Variants in ASAP1 observed in about 807,000 individuals in gnomAD.
ASAP1 encodes ArfGAP with SH3 domain, ankyrin repeat and PH domain 1, also known as arf-GAP with SH3 domain, ANK repeat and PH domain-containing protein 1.
Under a neutral mutation model 145.2 loss-of-function variants are expected in ASAP1, and 43 were observed. The observed-to-expected ratio is 0.30, with a 90% CI of 0.23 to 0.38. ASAP1 has a LOEUF of 0.38. Among genes scored for constraint, ASAP1 ranks in the 10% least tolerant of loss-of-function variants. The pLI is 1.00. For synonymous variants in ASAP1, 546 were observed against 515.5 expected (o/e 1.06, Z -0.80); for missense variants, 1,018 against 1,355.3 (o/e 0.75, Z 3.91).
chr8:130,313,701 C>T (rs982351026), intron 3 of ASAP1, among the ~76,000 whole-genome samples: 10 of 152,220 alleles, frequency 6.6e-5, no homozygotes, highest in Non-Finnish European at 1.5e-4. Flanking sequence ...CTAAAACCAT[C>T]AGCCCCAGGA....
At chr8:130,061,455 T>G (rs943402299) in intron 27 of ASAP1, among the ~76,000 whole-genome samples, 4 of 152,236 alleles carry the variant, frequency 2.6e-5, no homozygotes, top group Non-Finnish European at 5.9e-5. Flanking sequence ...GATATAACTT[T>G]TACTTGCTTT....
At chr8:130,166,869 A>C (rs1204642847) in intron 11 of ASAP1, among the ~76,000 whole-genome samples, 1 of 152,242 alleles carries the variant, frequency 6.6e-6, no homozygotes, top group Non-Finnish European at 1.5e-5. Flanking sequence ...ATTCTGCATC[A>C]AAATATTTCC....
At chr8:130,318,857 C>T (rs1254969316) in intron 3 of ASAP1, among the ~76,000 whole-genome samples, 1 of 152,124 alleles carries the variant, frequency 6.6e-6, no homozygotes, top group East Asian at 1.9e-4. Flanking sequence ...AAAAAAAGAT[C>T]AGCAGGACAA....
Position 130,214,772 on chromosome 8 carries a change from C to T in ASAP1, c.260-71G>A, listed in dbSNP as rs907354477. 16 of 1,276,304 alleles carry T rather than the reference C, an allele frequency of 1.3e-5. No homozygotes were observed. The African/African-American group carries it at 2.0e-4, about 16-fold the overall frequency. The allele number at this position is 1,276,304 out of a possible 1,614,324, so 79.1% of individuals were successfully genotyped here. ...CACAATGAAAAGTTACTTTGAACAC[C>T]GATCACTACGAATTCTCAAAATGGA... On this transcript the variant is annotated intron_variant, in intron 4 of 29. Transcript: ENST00000518721.
intron 3 of ASAP1, among the ~76,000 whole-genome samples, chr8:130,254,525 T>TA (rs893375298): frequency 6.6e-5 from 10 of 152,134 alleles, no homozygotes; most frequent in Non-Finnish European, 1.2e-4. Flanking sequence ...AAAGTACTGA[T>TA]AAAAAAGTTT....
At position 130,358,662 on chromosome 8, in the gene ASAP1, A is replaced by G. The variant is rs1177825753; in HGVS notation, c.60-519T>C. Among the ~76,000 whole-genome samples, 2 of 146,246 alleles carry G rather than the reference A, an allele frequency of 1.4e-5. No individual in the cohort carries two copies. The highest frequency in any genetic ancestry group is 6.8e-5 in the Admixed American group (1 of 14,786). On this transcript the variant is annotated intron_variant, in intron 2 of 29. Coordinates refer to ENST00000518721, the MANE Select transcript of ASAP1 (RefSeq NM_018482.4). The surrounding 1 kb of genome is among the most constrained non-coding windows in gnomAD (Gnocchi z 4.1). Reference sequence around the variant, plus strand: ...CGCGCTGCAGTCACGGGGCCAAACAAGGAAGTGCTCTGCGCACGCGCGCCG... The same window carrying G: ...CGCGCTGCAGTCACGGGGCCAAACAGGGAAGTGCTCTGCGCACGCGCGCCG...
At chr8:130,374,216 C>T (rs1325565853) in intron 2 of ASAP1, among the ~76,000 whole-genome samples, 2 of 152,172 alleles carry the variant, frequency 1.3e-5, no homozygotes, top group Non-Finnish European at 2.9e-5. Context: ...ACTTCAGAGG[C>T]TGTTATAAAC....
chr8:130,401,476 C>T (rs1399393878), intron 2 of ASAP1, among the ~76,000 whole-genome samples: 2 of 152,096 alleles, frequency 1.3e-5, no homozygotes, highest in Non-Finnish European at 2.9e-5. Context: ...AGCTCCTGAC[C>T]TCAAATGATC....
At chr8:130,200,951 G>C (rs1815830650) in intron 5 of ASAP1, among the ~76,000 whole-genome samples, 1 of 152,198 alleles carries the variant, frequency 6.6e-6, no homozygotes, top group Non-Finnish European at 1.5e-5. Flanking sequence ...GGAAATTCTG[G>C]ATCTCTGTCC....
chr8:130,236,848 T>C (rs910858631), intron 4 of ASAP1, 74 bp downstream of exon 4: 2 of 1,121,916 alleles, frequency 1.8e-6, no homozygotes, highest in African/African-American at 1.6e-5. Context: ...AAACTTAACA[T>C]CTTTTAAATA....
intron 11 of ASAP1, among the ~76,000 whole-genome samples, chr8:130,162,386 T>TGA (rs1171398723): frequency 1.3e-5 from 2 of 152,166 alleles, no homozygotes; most frequent in African/African-American, 4.8e-5. Flanking sequence ...TGCAGGGAAC[T>TGA]GAGGCATGAG....
chr8:130,386,924 C>A (rs1425138383), intron 2 of ASAP1: 1 of 152,200 alleles, frequency 6.6e-6, no homozygotes, highest in Admixed American at 6.5e-5. Context: ...CTCAAGAAAA[C>A]CTTTGTAGCT....
chr8:130,256,481 T>C (rs532782458), intron 3 of ASAP1, among the ~76,000 whole-genome samples: 1 of 151,936 alleles, frequency 6.6e-6, no homozygotes, highest in South Asian at 2.1e-4. Context: ...AGTTGAGAAA[T>C]ACAGAGATAA....
At position 130,359,512 on chromosome 8, in the gene ASAP1, G is replaced by A. The variant is rs149410024; in HGVS notation, c.60-1369C>T. Reference sequence around the variant, plus strand: ...TTGGTACCTGTAATTCAAGCCAGGAGAGCCTTTGATAGCCTTAGGATGGAA... The same window carrying A: ...TTGGTACCTGTAATTCAAGCCAGGAAAGCCTTTGATAGCCTTAGGATGGAA... On this transcript the variant is annotated intron_variant, in intron 2 of 29. Transcript: ENST00000518721. Among the ~76,000 whole-genome samples, 554 of 152,260 alleles carry A rather than the reference G, an allele frequency of 3.6e-3. 1 individual carries two copies. The highest frequency in any genetic ancestry group is 0.013 in the African/African-American group (521 of 41,564).
intron 4 of ASAP1, among the ~76,000 whole-genome samples, chr8:130,230,439 C>G (rs1446357291): frequency 6.6e-6 from 1 of 152,130 alleles, no homozygotes; most frequent in Non-Finnish European, 1.5e-5. Context: ...TCTTTTGAAT[C>G]CCTCTAGTTT....
At chr8:130,313,620 C>G (rs189439386) in intron 3 of ASAP1, among the ~76,000 whole-genome samples, 1 of 152,282 alleles carries the variant, frequency 6.6e-6, no homozygotes, top group Admixed American at 6.5e-5. Context: ...AACACATAAT[C>G]AACGTCCTCA....
chr8:130,398,184 A>G (rs1565281866), intron 2 of ASAP1, among the ~76,000 whole-genome samples: 1 of 152,214 alleles, frequency 6.6e-6, no homozygotes, highest in Non-Finnish European at 1.5e-5. Context: ...TGTGTCATGC[A>G]AGGAACTTTT....
At chr8:130,391,986 G>C (rs1355914250) in intron 2 of ASAP1, among the ~76,000 whole-genome samples, 1 of 152,192 alleles carries the variant, frequency 6.6e-6, no homozygotes. Context: ...GCAAAGTTGT[G>C]CAGGGGGAGC....
intron 3 of ASAP1, among the ~76,000 whole-genome samples, chr8:130,238,735 T>C (rs1035145830): frequency 2.6e-5 from 4 of 152,142 alleles, no homozygotes; most frequent in African/African-American, 9.7e-5. Context: ...TAAATATTTA[T>C]AGAAAGGCAA....
Sources: gnomAD v4.1 joint callset for allele counts (sites outside exome capture counted in the v4.1 genomes callset) on GRCh38, gnomAD v4.1.1 for gene constraint, Gnocchi (gnomAD v3.1) non-coding constraint, MANE v1.5 for transcripts, NCBI Gene and HGNC (gene_info 2026-07-23, HGNC 2026-07-21) for gene names.